The following HPS3 variants were observed in gnomAD, a reference collection of about 807,000 sequenced individuals.
HPS3 encodes BLOC-2 complex member HPS3.
A neutral mutation model predicts 110.9 loss-of-function variants in HPS3; 79 were observed. The observed-to-expected ratio is 0.71, with a 90% CI of 0.59 to 0.86. HPS3 has a LOEUF of 0.86. Ranked by LOEUF, HPS3 falls within the 40% of genes least tolerant of loss-of-function variation. The probability of loss-of-function intolerance (pLI) is 0.00; values close to 1 mark genes in which losing one functional copy is unlikely to be tolerated. For missense variants in HPS3, 1,197 were observed against 1,206.2 expected (o/e 0.99, Z 0.11); for synonymous variants, 428 against 451.0 (o/e 0.95, Z 0.65).
At chr3:149,167,754 A>G (rs1276122677) in intron 15 of HPS3, 139 bp from the exon 16 acceptor site, 2 of 688,220 alleles carry the variant, frequency 2.9e-6, no homozygotes, top group Non-Finnish European at 5.3e-6. Context: ...GATATAACTT[A>G]TGTTATAACA....
In HPS3 at chr3:149,129,927, C is replaced by T. The variant is rs754627074; in HGVS notation, c.204C>T (p.Ala68=). 5.2e-6 allele frequency: 8 copies of T among 1,550,816 alleles called. No homozygotes were observed. The East Asian group carries it at 1.7e-4, about 33-fold the overall frequency. ...CGCTGGGCCGGGTGTTGCGCCTGGC[C>T]TACAGCGAGGCTGGTGAGTAATCTA... is the stretch of plus-strand genomic sequence containing the variant. ...FSTLGRVLRL[A]YSEAGDYLVA... The change falls in exon 1 of 17, where the codon GCC becomes GCT. Residue 68 remains alanine (A), a synonymous_variant. Transcript: ENST00000296051.
intron 1 of HPS3, among the ~76,000 whole-genome samples, chr3:149,136,829 A>G (rs554426677): frequency 9.2e-5 from 14 of 152,356 alleles, no homozygotes; most frequent in African/African-American, 3.1e-4. Context: ...TAGTTAATAT[A>G]TGAATTTTAT....
At chr3:149,157,199 G>T in intron 8 of HPS3, 151 bp from the exon 9 acceptor site, 1 of 721,332 alleles carries the variant, frequency 1.4e-6, no homozygotes, top group East Asian at 2.7e-5. Context: ...CTAAGCCCTT[G>T]TCAGAATGGT....
Position 149,172,202 on chromosome 3 carries a change from C to T in HPS3, c.2995C>T (p.Arg999Ter), listed in dbSNP as rs774646241. ...CTTGCCATATCTTCTCTATTGCAGTCGAAAGAAACCATTGACTTAAAGGTA... is the reference window on the plus strand; with the variant it reads ...CTTGCCATATCTTCTCTATTGCAGTTGAAAGAAACCATTGACTTAAAGGTA... The part of the protein sequence containing the change: ...FFLPYLLYCS[R>*]KKPLT Residue 999 changes from arginine (R) to a stop codon, truncating the protein, a stop_gained, in exon 17 of 17, where the codon CGA becomes TGA. Coordinates refer to ENST00000296051, the MANE Select transcript of HPS3 (RefSeq NM_032383.5). LOFTEE classifies it high-confidence loss of function. 3.7e-6 allele frequency: 6 copies of T among 1,613,056 alleles called. No individual in the cohort carries two copies. The highest frequency in any genetic ancestry group is 2.2e-5 in the East Asian group (1 of 44,812).
intron 1 of HPS3, among the ~76,000 whole-genome samples, chr3:149,133,330 ACTC>A (rs1425739544): frequency 1.3e-5 from 2 of 151,298 alleles, no homozygotes; most frequent in African/African-American, 4.9e-5. Context: ...ACAGAGCTTC[ACTC>A]TTGTTGGCCA....
At chr3:149,141,918 T>C (rs533719882) in intron 4 of HPS3, among the ~76,000 whole-genome samples, 184 of 151,382 alleles carry the variant, frequency 1.2e-3, no homozygotes, top group Non-Finnish European at 2.2e-3. Flanking sequence ...TGGTATGATC[T>C]TGGCTCACTG....
intron 6 of HPS3, among the ~76,000 whole-genome samples, chr3:149,151,030 C>G (rs781269342): frequency 6.6e-6 from 1 of 151,608 alleles, no homozygotes; most frequent in Non-Finnish European, 1.5e-5. Flanking sequence ...TTTTTCGAGG[C>G]AGGGTCTTGC....
rs112376082 is a variant in HPS3, at chr3:149,130,147, G to T, written c.217+207G>T. The T allele has an allele frequency of 0.032, 18,969 of 584,564 alleles. 414 individuals are homozygous for T. The highest frequency in any genetic ancestry group is 0.074 in the African/African-American group (3,935 of 52,866). The allele number at this position is 584,564 out of a possible 1,614,324, so 36.2% of individuals were successfully genotyped here. ...TCGCGGCAAGCATAGGTATGAGCTT[G>T]CTTCTGTCGGGGCGGAGACGCTGAC... On this transcript the variant is annotated intron_variant, in intron 1 of 16. Coordinates refer to ENST00000296051, the MANE Select transcript of HPS3 (RefSeq NM_032383.5).
At position 149,158,780 on chromosome 3, in the gene HPS3, C is replaced by T. The variant is rs1043008266; in HGVS notation, c.1806C>T (p.Tyr602=). ...DWTVEDGLQK[Y]ERGLIFYINH... ...CAGTAGAGGATGGATTACAGAAATA[C>T]GAGAGAGGATTAATCTTTTACATTA... Residue 602 remains tyrosine (Y), a synonymous_variant, in exon 10 of 17, where the codon TAC becomes TAT. Transcript: ENST00000296051. 3.7e-6 allele frequency: 6 copies of T among 1,609,796 alleles called. No homozygotes were observed. The highest frequency in any genetic ancestry group is 3.3e-5 in the South Asian group (3 of 90,988).
chr3:149,130,041 T>G (rs957615253), intron 1 of HPS3, 101 bp downstream of exon 1: 2 of 1,168,694 alleles, frequency 1.7e-6, no homozygotes, highest in Non-Finnish European at 2.4e-6. Context: ...GGGATGGGAC[T>G]TCTTGCTTCC....
chr3:149,169,635 A>G (rs1724783692), intron 16 of HPS3, among the ~76,000 whole-genome samples: 1 of 152,216 alleles, frequency 6.6e-6, no homozygotes, highest in Admixed American at 6.5e-5. Flanking sequence ...TATAACAAAC[A>G]AAAATGTCTC....
At chr3:149,159,255 A>C (rs1363494866) in intron 10 of HPS3, among the ~76,000 whole-genome samples, 2 of 152,144 alleles carry the variant, frequency 1.3e-5, no homozygotes, top group Admixed American at 1.3e-4. Flanking sequence ...CAGTGACCTA[A>C]AGACATTATT....
intron 13 of HPS3, among the ~76,000 whole-genome samples, 171 bp downstream of exon 13, chr3:149,163,049 T>C (rs1576696446): frequency 6.6e-6 from 1 of 152,348 alleles, no homozygotes; most frequent in East Asian, 1.9e-4. Flanking sequence ...TGAAGTGGCC[T>C]ACATTTTAAA....
intron 5 of HPS3, among the ~76,000 whole-genome samples, chr3:149,147,857 A>C (rs1332839209): frequency 1.3e-5 from 2 of 152,168 alleles, no homozygotes; most frequent in African/African-American, 2.4e-5. Flanking sequence ...TCAGATTCTT[A>C]ATAAGAATCT....
chr3:149,162,711 G>T lies in HPS3; in HGVS notation c.2314G>T (p.Asp772Tyr). 7 of 1,614,014 alleles carry T rather than the reference G, an allele frequency of 4.3e-6. No homozygotes were observed. The highest frequency in any genetic ancestry group is 5.9e-6 in the Non-Finnish European group (7 of 1,179,934). Reference protein sequence around the residue: ...FFKVLCAKDEDTIPQLLVDFW... With the variant: ...FFKVLCAKDEYTIPQLLVDFW... ...TAAGGTGCTTTGTGCTAAGGATGAA[G>T]ATACAATTCCTCAGCTCTTGGTAGA... Residue 772 changes from aspartate to tyrosine, a missense_variant, in exon 13 of 17, where the codon GAT (aspartate) becomes TAT (tyrosine). Physicochemically the swap from Asp to Tyr is radical, Grantham distance 160. Transcript: ENST00000296051.
intron 5 of HPS3, among the ~76,000 whole-genome samples, chr3:149,147,436 A>G (rs1054135850): frequency 6.6e-6 from 1 of 152,218 alleles, no homozygotes; most frequent in Non-Finnish European, 1.5e-5. Context: ...GGAGAAAGAC[A>G]AAGATTTTTA....
intron 1 of HPS3, among the ~76,000 whole-genome samples, chr3:149,138,937 A>G (rs1324340787): frequency 1.3e-4 from 20 of 152,200 alleles, no homozygotes; most frequent in African/African-American, 2.4e-5. Flanking sequence ...ATGAATTTCT[A>G]TTATCTAATT....
intron 11 of HPS3, among the ~76,000 whole-genome samples, chr3:149,161,077 G>A (rs1204173631): frequency 1.3e-5 from 2 of 152,118 alleles, no homozygotes; most frequent in Admixed American, 1.3e-4. Flanking sequence ...GTATGACTTG[G>A]GTTGCTAAAA....
At chr3:149,141,466 A>T in intron 4 of HPS3, 86 bp downstream of exon 4, 1 of 1,036,084 alleles carries the variant, frequency 9.7e-7, no homozygotes. Flanking sequence ...TGTGGGTAAT[A>T]GGTTTGGTGG....
Sources: allele counts gnomAD v4.1 joint callset (sites outside exome capture counted in the v4.1 genomes callset), GRCh38; gene constraint gnomAD v4.1.1; transcripts MANE v1.5; gene names NCBI Gene and HGNC (gene_info 2026-07-23, HGNC 2026-07-21).